TPD52L1: variants seen among roughly 807,000 people sequenced by gnomAD.
TPD52L1 encodes the protein tumor protein D53.
A neutral mutation model predicts 28.7 loss-of-function variants in TPD52L1; 18 were observed. The ratio of observed to expected loss-of-function variants is 0.63; its 90% CI spans 0.43 to 0.93. The LOEUF (loss-of-function observed/expected upper bound fraction) is 0.93, where lower values mean the gene tolerates loss of function less well. Ranked by LOEUF, TPD52L1 falls within the 40% of genes least tolerant of loss-of-function variation. The pLI is 0.00. For missense variants in TPD52L1, 203 were observed against 254.8 expected, an observed-to-expected ratio of 0.80 and a Z score of 1.39; for synonymous variants, 75 against 88.8, an observed-to-expected ratio of 0.84 and a Z score of 0.88.
In TPD52L1 at chr6:125,238,922, TGTG is replaced by T. The variant is rs1316045306; in HGVS notation, c.285-9359_285-9357del. Among the ~76,000 whole-genome samples the T allele has an allele frequency of 2.0e-5, 3 of 152,234 alleles. No homozygotes were observed. In the East Asian group the frequency reaches 5.8e-4, roughly 29 times the overall value. The stretch of plus-strand genomic sequence containing the variant: ...GTTCCATATTTTTGCAATTGCAAAT[TGTG>T]CTGCTATAAATATGCATGTGTAAGT... On this transcript the variant is annotated intron_variant, in intron 3 of 6. Coordinates refer to ENST00000534000, the MANE Select transcript of TPD52L1 (RefSeq NM_003287.4).
intron 1 of TPD52L1, among the ~76,000 whole-genome samples, chr6:125,156,530 G>A (rs1790149346): frequency 6.6e-6 from 1 of 150,776 alleles, no homozygotes; most frequent in African/African-American, 2.4e-5. Flanking sequence ...AGCACTTTGG[G>A]AGGCTGGAGG....
At position 125,229,126 on chromosome 6, in the gene TPD52L1, C is replaced by G; in HGVS notation, c.144C>G (p.Asp48Glu). ...ELKAELVQLEDEITTLRQVLS... is the reference protein window; with the variant it reads ...ELKAELVQLEEEITTLRQVLS... ...TCCCCTCCGCCTTGTAGCTAGAAGA[C>G]GAAATTACAACACTACGACAAGTTT... The change falls in exon 3 of 7, where the codon GAC becomes GAG. Residue 48 changes from aspartate (D) to glutamate (E), a missense_variant. Transcript: ENST00000534000. The G allele has an allele frequency of 6.2e-7, 1 of 1,610,716 alleles. No individual in the cohort carries two copies. The highest frequency in any genetic ancestry group is 1.3e-5 in the African/African-American group (1 of 74,680).
intron 3 of TPD52L1, among the ~76,000 whole-genome samples, chr6:125,246,448 G>A (rs2115031691): frequency 6.6e-6 from 1 of 152,222 alleles, no homozygotes; most frequent in South Asian, 2.1e-4. Context: ...ACACTATTCT[G>A]TCTGAGCAAG....
chr6:125,261,009 A>G (rs886079678), intron 6 of TPD52L1: 8 of 47,392 alleles, frequency 1.7e-4, no homozygotes, highest in Non-Finnish European at 2.4e-4. Flanking sequence ...AAAGAAAGAA[A>G]GAAAGAAAGA....
intron 1 of TPD52L1, chr6:125,154,303 C>T: frequency 1.7e-6 from 2 of 1,143,680 alleles, no homozygotes; most frequent in Non-Finnish European, 2.1e-6. Flanking sequence ...GTGCCGGGTC[C>T]GGAAAGCGTG....
chr6:125,234,737 G>A (rs1275659093), intron 3 of TPD52L1, among the ~76,000 whole-genome samples: 1 of 151,960 alleles, frequency 6.6e-6, no homozygotes, highest in African/African-American at 2.4e-5. Flanking sequence ...ATATGATAGG[G>A]TTGAAAAACA....
intron 1 of TPD52L1, chr6:125,203,652 A>G (rs924128966): frequency 1.0e-6 from 1 of 985,316 alleles, no homozygotes; most frequent in African/African-American, 1.7e-5. Context: ...TGGTGTGTGC[A>G]TAAGGCCACA....
At chr6:125,179,003 G>T (rs58970002) in intron 1 of TPD52L1, among the ~76,000 whole-genome samples, 18,563 of 152,138 alleles carry the variant, frequency 0.12, 1,289 homozygotes, top group East Asian at 0.36. Context: ...ATTGGATTTT[G>T]TATGTCTTTG....
At chr6:125,223,708 CAAAA>C (rs11294390) in intron 2 of TPD52L1, among the ~76,000 whole-genome samples, 60 of 71,484 alleles carry the variant, frequency 8.4e-4, no homozygotes, top group African/African-American at 2.3e-3. Flanking sequence ...GATTCCATCT[CAAAA>C]AAAAAAAAAA....
intron 1 of TPD52L1, among the ~76,000 whole-genome samples, chr6:125,199,124 T>A (rs1193415205): frequency 1.3e-5 from 2 of 152,230 alleles, no homozygotes; most frequent in Admixed American, 1.3e-4. Context: ...GAGAGAAAAG[T>A]CTTCCTTGAT....
rs145421797 is a variant in TPD52L1 at position 125,253,480 on chromosome 6, A to G, written c.387-237A>G. 1.3e-4 allele frequency: 69 copies of G among 522,254 alleles called. No individual in the cohort carries two copies. In the East Asian group the frequency reaches 2.2e-3, roughly 16 times the overall value. 32.4% of individuals were successfully genotyped at this position (522,254 alleles called of 1,614,324 possible). On this transcript the variant is annotated intron_variant, in intron 4 of 6. Transcript: ENST00000534000. ...AGATTTCCTGGCAAAAGGAGGCTGC[A>G]GAAAGTAAAATAATATGCAACCACG... is the stretch of plus-strand genomic sequence containing the variant.
chr6:125,243,186 T>C (rs1796717103), intron 3 of TPD52L1, among the ~76,000 whole-genome samples: 1 of 152,240 alleles, frequency 6.6e-6, no homozygotes, highest in Non-Finnish European at 1.5e-5. Context: ...GTTAATCTGA[T>C]AGGTTTTCCT....
intron 6 of TPD52L1, chr6:125,262,233 G>A (rs1798102291): frequency 6.6e-6 from 1 of 152,364 alleles, no homozygotes; most frequent in Non-Finnish European, 1.5e-5. Context: ...TGAGATTTGG[G>A]TGAGGACACA....
At chr6:125,203,484 C>T (rs981888109) in intron 1 of TPD52L1, among the ~76,000 whole-genome samples, 4 of 152,080 alleles carry the variant, frequency 2.6e-5, no homozygotes, top group African/African-American at 9.6e-5. Context: ...GAAGAGTATC[C>T]CAAATGCTTT....
chr6:125,186,224 C>T (rs977545150), intron 1 of TPD52L1, among the ~76,000 whole-genome samples: 9 of 152,170 alleles, frequency 5.9e-5, no homozygotes, highest in Non-Finnish European at 5.9e-5. Context: ...GATCTGCAAA[C>T]TTTCTCCGTA....
Position 125,166,608 on chromosome 6 carries a change from G to A in TPD52L1, c.19+12638G>A, listed in dbSNP as rs900117090. On this transcript the variant is annotated intron_variant, in intron 1 of 6. Transcript: ENST00000534000. The stretch of plus-strand genomic sequence containing the variant: ...TAAACTTACAGCAGACAGACTAGCA[G>A]GAGAAAAAGCTTACAAAGTTATTTA... 3.3e-5 allele frequency among the ~76,000 whole-genome samples: 5 copies of A among 152,184 alleles called. No individual in the cohort carries two copies. The East Asian group carries it at 9.7e-4, about 29-fold the overall frequency.
At chr6:125,154,945 A>T (rs1790018996) in intron 1 of TPD52L1, among the ~76,000 whole-genome samples, 1 of 152,038 alleles carries the variant, frequency 6.6e-6, no homozygotes, top group Non-Finnish European at 1.5e-5. Flanking sequence ...AAGAAAAAAA[A>T]AAAGGTTCAT....
At chr6:125,260,111 A>G (rs747535585) in intron 6 of TPD52L1, 45 of 152,262 alleles carry the variant, frequency 3.0e-4, no homozygotes, top group Non-Finnish European at 5.9e-4. Flanking sequence ...AGTGATTTGT[A>G]TTCACTGAAT....
At chr6:125,251,022 T>C (rs554309710) in intron 4 of TPD52L1, among the ~76,000 whole-genome samples, 1 of 152,344 alleles carries the variant, frequency 6.6e-6, no homozygotes, top group Non-Finnish European at 1.5e-5. Context: ...AATAACTCTT[T>C]GTGAAAGCAA....
Sources: allele counts gnomAD v4.1 joint callset (sites outside exome capture counted in the v4.1 genomes callset), GRCh38; gene constraint gnomAD v4.1.1; transcripts MANE v1.5; gene names NCBI Gene and HGNC (gene_info 2026-07-23, HGNC 2026-07-21).